The following PAM variants were observed in gnomAD, a reference collection of about 807,000 sequenced individuals.
PAM encodes the protein peptidyl-glycine alpha-amidating monooxygenase.
Under a neutral mutation model 122.1 loss-of-function variants are expected in PAM, and 72 were observed. The observed-to-expected ratio is 0.59, with a 90% CI of 0.49 to 0.72. The LOEUF is 0.72. Among genes scored for constraint, PAM ranks in the 30% least tolerant of loss-of-function variants. The pLI, the probability that PAM is intolerant of heterozygous loss-of-function variation, is 0.00. For missense variants in PAM, 1,106 were observed against 1,183.7 expected, an observed-to-expected ratio of 0.93 and a Z score of 0.96; for synonymous variants, 389 against 404.4, an observed-to-expected ratio of 0.96 and a Z score of 0.46.
intron 1 of PAM, among the ~76,000 whole-genome samples, chr5:102,769,910 G>A (rs1755229805): frequency 6.6e-6 from 1 of 151,970 alleles, no homozygotes; most frequent in Non-Finnish European, 1.5e-5. Context: ...TATTTTGATA[G>A]GGATTGCATT....
chr5:102,976,984 C>G (rs372618952), intron 15 of PAM, among the ~76,000 whole-genome samples: 2 of 152,144 alleles, frequency 1.3e-5, no homozygotes, highest in South Asian at 2.1e-4. Context: ...TATTCAGAAC[C>G]CTGATCTGAT....
chr5:102,843,236 T>C (rs1935050235), intron 1 of PAM, among the ~76,000 whole-genome samples: 1 of 152,244 alleles, frequency 6.6e-6, no homozygotes, highest in South Asian at 2.1e-4. Flanking sequence ...ATATTTAGTG[T>C]AATGAATCTC....
intron 1 of PAM, among the ~76,000 whole-genome samples, chr5:102,847,173 G>A (rs939151368): frequency 3.3e-5 from 5 of 152,108 alleles, no homozygotes; most frequent in Non-Finnish European, 7.4e-5. Flanking sequence ...TCAGATTTCA[G>A]GACGCAGCAT....
chr5:102,806,130 A>G (rs1766160621), intron 1 of PAM, among the ~76,000 whole-genome samples: 1 of 152,226 alleles, frequency 6.6e-6, no homozygotes, highest in Admixed American at 6.5e-5. Flanking sequence ...AGTCGAAACA[A>G]GTGCTCCCTT....
intron 12 of PAM, among the ~76,000 whole-genome samples, chr5:102,957,216 T>A (rs1562027810): frequency 6.6e-6 from 1 of 152,184 alleles, no homozygotes; most frequent in Non-Finnish European, 1.5e-5. Flanking sequence ...ACATGCACAC[T>A]ACTCTATTGA....
At chr5:102,894,063 GT>G (rs1354529793) in intron 3 of PAM, among the ~76,000 whole-genome samples, 1 of 151,594 alleles carries the variant, frequency 6.6e-6, no homozygotes, top group Non-Finnish European at 1.5e-5. Context: ...TGACTGCTAT[GT>G]ACCATTGCTG....
chr5:102,932,633 A>G (rs528479092), intron 7 of PAM, among the ~76,000 whole-genome samples: 1 of 149,146 alleles, frequency 6.7e-6, no homozygotes, highest in South Asian at 2.1e-4. Context: ...GTAAGACTCC[A>G]TCTCAAAATA....
In PAM at chr5:102,819,077, G is replaced by A. The variant is rs576865540; in HGVS notation, c.-373-46746G>A. Reference sequence around the variant, plus strand: ...GAGGATACAAAACAGAAAGACAGACGAGAGCTGTTTCTCTTTAATCTCTCC... The same window carrying A: ...GAGGATACAAAACAGAAAGACAGACAAGAGCTGTTTCTCTTTAATCTCTCC... On this transcript the variant is annotated intron_variant, in intron 1 of 25. Coordinates refer to ENST00000438793, the MANE Select transcript of PAM (RefSeq NM_001177306.2). 1.1e-4 allele frequency among the ~76,000 whole-genome samples: 17 copies of A among 152,266 alleles called. No homozygotes were observed. In the South Asian group the frequency reaches 2.9e-3, roughly 26 times the overall value.
chr5:102,944,921 T>C (rs1756536917), intron 7 of PAM, among the ~76,000 whole-genome samples: 1 of 152,162 alleles, frequency 6.6e-6, no homozygotes, highest in Non-Finnish European at 1.5e-5. Flanking sequence ...CCCATGTTTT[T>C]CCTGCTTTCT....
In PAM at chr5:102,974,123, C is replaced by T; in HGVS notation, c.1170C>T (p.Phe390=). ...CTTCTCTTTTTTCCACAGGTGATTT[C>T]TATTCACTACTTTCCAAGCTGCTAG... ...EEEEVLDQGD[F]YSLLSKLLGE... Residue 390 remains phenylalanine (F), a synonymous_variant, in exon 15 of 26, where the codon TTC becomes TTT. Transcript: ENST00000438793. 1 of 1,611,100 alleles carries T rather than the reference C, an allele frequency of 6.2e-7. No individual in the cohort carries two copies. The highest frequency in any genetic ancestry group is 8.5e-7 in the Non-Finnish European group (1 of 1,177,776).
chr5:102,850,780 A>G (rs1232804506), intron 1 of PAM, among the ~76,000 whole-genome samples: 1 of 152,224 alleles, frequency 6.6e-6, no homozygotes, highest in Non-Finnish European at 1.5e-5. Context: ...GAACGGAGCC[A>G]TGTCTTCTTT....
intron 3 of PAM, among the ~76,000 whole-genome samples, chr5:102,897,132 G>C (rs1796429252): frequency 6.6e-6 from 1 of 151,538 alleles, no homozygotes; most frequent in Non-Finnish European, 1.5e-5. Flanking sequence ...CGTTTTCCTT[G>C]TTGGATGGGT....
chr5:102,950,892 C>G lies in PAM; in HGVS notation c.905+72C>G, dbSNP rs1248779607. On this transcript the variant is annotated intron_variant, in intron 12 of 25. Transcript: ENST00000438793. ...AGGCATGATTACAGGTGACAGCTATCTTTGTGAATAAATTGTACATTTTTT... is the reference window on the plus strand; with the variant it reads ...AGGCATGATTACAGGTGACAGCTATGTTTGTGAATAAATTGTACATTTTTT... 3.1e-5 allele frequency: 27 copies of G among 864,872 alleles called. No homozygotes were observed. In the East Asian group the frequency reaches 6.7e-4, roughly 21 times the overall value. 53.6% of individuals were successfully genotyped at this position (864,872 alleles called of 1,614,324 possible).
Position 103,012,855 on chromosome 5 carries a change from C to CAAA in PAM, c.2331+3004_2331+3006dup, listed in dbSNP as rs777801743. Among the ~76,000 whole-genome samples, 975 of 100,432 alleles carry CAAA rather than the reference C, an allele frequency of 9.7e-3. 9 individuals carry two copies. The highest frequency in any genetic ancestry group is 0.026 in the African/African-American group (690 of 26,166). The allele number at this position is 100,432 out of a possible 152,430, so 65.9% of individuals were successfully genotyped here. On this transcript the variant is annotated intron_variant, in intron 21 of 25. Transcript: ENST00000438793. The stretch of plus-strand genomic sequence containing the variant: ...TGGGGGACAGAGCAAGACTCTGCCT[C>CAAA]AAAAAAAAAAAAAAAAATGAGTTCA...
At chr5:102,867,600 T>G (rs1160041442) in intron 3 of PAM, among the ~76,000 whole-genome samples, 1 of 152,246 alleles carries the variant, frequency 6.6e-6, no homozygotes, top group Middle Eastern at 3.2e-3. Flanking sequence ...TTTTAAAATT[T>G]TACTTATATT....
At chr5:102,984,882 C>G (rs958979678) in intron 15 of PAM, among the ~76,000 whole-genome samples, 1 of 152,042 alleles carries the variant, frequency 6.6e-6, no homozygotes, top group African/African-American at 2.4e-5. Flanking sequence ...TATCAAGTAT[C>G]TTCTTAGACC....
At chr5:102,844,706 A>AAT (rs59667592) in intron 1 of PAM, among the ~76,000 whole-genome samples, 2 of 152,004 alleles carry the variant, frequency 1.3e-5, no homozygotes, top group African/African-American at 4.8e-5. Flanking sequence ...AACAAAAAAA[A>AAT]GAATGGGCTC....
intron 7 of PAM, among the ~76,000 whole-genome samples, chr5:102,933,074 AC>A (rs1443662208): frequency 3.3e-5 from 5 of 152,214 alleles, no homozygotes; most frequent in African/African-American, 1.2e-4. Flanking sequence ...TAAAATAATA[AC>A]CGTAATAATG....
At chr5:102,906,332 C>G (rs1409441238) in intron 4 of PAM, among the ~76,000 whole-genome samples, 1 of 151,658 alleles carries the variant, frequency 6.6e-6, no homozygotes, top group Non-Finnish European at 1.5e-5. Flanking sequence ...TAGTAGTCAA[C>G]TCTTAAAAGA....
Sources: allele counts gnomAD v4.1 joint callset (sites outside exome capture counted in the v4.1 genomes callset), GRCh38; gene constraint gnomAD v4.1.1; transcripts MANE v1.5; gene names NCBI Gene and HGNC (gene_info 2026-07-23, HGNC 2026-07-21).